Variants in MAN2A1 observed in about 807,000 individuals in gnomAD.
MAN2A1 encodes mannosidase alpha class 2A member 1.
Under a neutral mutation model 142.6 loss-of-function variants are expected in MAN2A1, and 76 were observed. The observed-to-expected ratio is 0.53, with a 90% CI of 0.44 to 0.65. The LOEUF (loss-of-function observed/expected upper bound fraction) is 0.65. MAN2A1 is among the 30% of genes least tolerant of loss of function. The pLI is 0.00. For synonymous variants in MAN2A1, 559 were observed against 473.2 expected (o/e 1.18, Z -2.35); for missense variants, 1,311 against 1,365.1 (o/e 0.96, Z 0.62).
intron 16 of MAN2A1, among the ~76,000 whole-genome samples, chr5:109,841,802 T>C (rs1755212263): frequency 6.6e-6 from 1 of 152,246 alleles, no homozygotes; most frequent in African/African-American, 2.4e-5. Flanking sequence ...AATATGTTAA[T>C]ATTACTTTCA....
chr5:109,840,585 A>G (rs1755175648), intron 16 of MAN2A1: 7 of 503,168 alleles, frequency 1.4e-5, no homozygotes, highest in South Asian at 4.3e-5. Flanking sequence ...TTCCTTAACA[A>G]CAGGGCCATC....
chr5:109,853,009 A>T (rs181591485), intron 19 of MAN2A1, among the ~76,000 whole-genome samples: 1 of 152,046 alleles, frequency 6.6e-6, no homozygotes, highest in Non-Finnish European at 1.5e-5. Flanking sequence ...GTGAACCACA[A>T]CTCTTCTATA....
intron 17 of MAN2A1, among the ~76,000 whole-genome samples, chr5:109,842,662 A>C (rs931088713): frequency 7.5e-6 from 1 of 133,720 alleles, no homozygotes; most frequent in African/African-American, 3.1e-5. Flanking sequence ...TTTTTAGAAC[A>C]TCTTTTTGTA....
intron 12 of MAN2A1, among the ~76,000 whole-genome samples, chr5:109,806,595 G>T (rs571238558): frequency 6.6e-6 from 1 of 152,062 alleles, no homozygotes; most frequent in Admixed American, 6.6e-5. Flanking sequence ...CTAACATAGA[G>T]CTTTCTAGAA....
chr5:109,806,463 A>T (rs1580271670), intron 12 of MAN2A1, among the ~76,000 whole-genome samples: 1 of 152,194 alleles, frequency 6.6e-6, no homozygotes, highest in South Asian at 2.1e-4. Flanking sequence ...AAACTCTGCT[A>T]CGAGCTAAGT....
At chr5:109,788,802 T>C (rs1037867898) in intron 10 of MAN2A1, 132 bp from the exon 11 acceptor site, 52 of 583,268 alleles carry the variant, frequency 8.9e-5, no homozygotes, top group Non-Finnish European at 1.6e-4. Flanking sequence ...AGGTTTGTCA[T>C]AGATTCATTA....
In MAN2A1 at chr5:109,867,115, G is replaced by A. The variant is rs558558515; in HGVS notation, c.*117G>A. On this transcript the variant is annotated 3_prime_UTR_variant, in exon 22 of 22. Coordinates refer to ENST00000261483, the MANE Select transcript of MAN2A1 (RefSeq NM_002372.4). The stretch of plus-strand genomic sequence containing the variant: ...GCTACTGTGAGAACATGAATTCTGT[G>A]ATTCTGTGGGTTTTTTCTTTTTTCT... 1.0e-4 allele frequency: 47 copies of A among 466,332 alleles called. No homozygotes were observed. In the South Asian group the frequency reaches 2.3e-3, roughly 23 times the overall value. The allele number at this position is 466,332 out of a possible 1,614,324, so 28.9% of individuals were successfully genotyped here. A position where few individuals can be genotyped will look rare whatever the true frequency, so the allele number is the denominator to read the frequency against.
chr5:109,730,688 C>T (rs776856456), intron 4 of MAN2A1, among the ~76,000 whole-genome samples: 2 of 152,074 alleles, frequency 1.3e-5, no homozygotes, highest in Non-Finnish European at 1.5e-5. Context: ...CTGTATTAGT[C>T]CCTGTTCTAA....
chr5:109,749,166 A>G (rs2112618255), intron 4 of MAN2A1, among the ~76,000 whole-genome samples: 1 of 152,250 alleles, frequency 6.6e-6, no homozygotes, highest in Middle Eastern at 3.4e-3. Context: ...TAAATGATGC[A>G]TTGTTTGCTA....
At chr5:109,719,501 T>G (rs1751545186) in intron 3 of MAN2A1, among the ~76,000 whole-genome samples, 1 of 152,142 alleles carries the variant, frequency 6.6e-6, no homozygotes. Flanking sequence ...AGTCAAAATG[T>G]GACACTATAA....
At chr5:109,842,256 G>A in intron 16 of MAN2A1, 72 bp from the exon 17 acceptor site, 1 of 972,900 alleles carries the variant, frequency 1.0e-6, no homozygotes. Flanking sequence ...AAAGAGTTCT[G>A]TATAGTATAT....
intron 12 of MAN2A1, among the ~76,000 whole-genome samples, chr5:109,803,283 G>A (rs1754079957): frequency 6.6e-6 from 1 of 151,958 alleles, no homozygotes; most frequent in Non-Finnish European, 1.5e-5. Flanking sequence ...AGGCAGAGTA[G>A]CTTAATGTTC....
At chr5:109,791,672 G>A (rs1753740641) in intron 12 of MAN2A1, among the ~76,000 whole-genome samples, 1 of 151,840 alleles carries the variant, frequency 6.6e-6, no homozygotes, top group Non-Finnish European at 1.5e-5. Flanking sequence ...GGTTTTTGGG[G>A]ATTTGAAGAA....
At chr5:109,734,471 A>C in intron 4 of MAN2A1, among the ~76,000 whole-genome samples, 1 of 151,938 alleles carries the variant, frequency 6.6e-6, no homozygotes. Context: ...TTAGGGTGTC[A>C]ATTTTGGATC....
chr5:109,741,485 C>T (rs1445099371), intron 4 of MAN2A1, among the ~76,000 whole-genome samples: 1 of 152,230 alleles, frequency 6.6e-6, no homozygotes, highest in Non-Finnish European at 1.5e-5. Flanking sequence ...TGTGTGACTT[C>T]TAGTGTAATG....
intron 4 of MAN2A1, among the ~76,000 whole-genome samples, chr5:109,753,096 A>G (rs146894056): frequency 1.3e-5 from 2 of 152,288 alleles, no homozygotes; most frequent in East Asian, 1.9e-4. Context: ...TTTGATTTAT[A>G]TCTGAACTTA....
intron 12 of MAN2A1, among the ~76,000 whole-genome samples, chr5:109,793,383 G>A (rs1183928121): frequency 6.6e-6 from 1 of 152,110 alleles, no homozygotes; most frequent in Non-Finnish European, 1.5e-5. Context: ...CATCATGCCT[G>A]TGGTATTATA....
chr5:109,763,137 TG>T (rs1170896975), intron 5 of MAN2A1, among the ~76,000 whole-genome samples: 1 of 152,240 alleles, frequency 6.6e-6, no homozygotes, highest in African/African-American at 2.4e-5. Flanking sequence ...TTTTTTAAAC[TG>T]GTACATATTC....
At chr5:109,774,617 A>T (rs1753232937) in intron 7 of MAN2A1, among the ~76,000 whole-genome samples, 171 bp from the exon 8 acceptor site, 1 of 152,144 alleles carries the variant, frequency 6.6e-6, no homozygotes, top group African/African-American at 2.4e-5. Context: ...TGATAGTTTT[A>T]AAAAAATCTG....
Sources: allele counts gnomAD v4.1 joint callset (sites outside exome capture counted in the v4.1 genomes callset), GRCh38; gene constraint gnomAD v4.1.1; transcripts MANE v1.5; gene names NCBI Gene and HGNC (gene_info 2026-07-23, HGNC 2026-07-21).